The following BCAS3 variants were observed in gnomAD, a reference collection of about 807,000 sequenced individuals.
BCAS3 encodes BCAS4/BCAS3 fusion.
In BCAS3, 53 loss-of-function variants were observed where a neutral mutation model predicts 116.1. That is an observed-to-expected ratio of 0.46 (90% confidence interval 0.37 to 0.57). BCAS3 has a LOEUF of 0.57. BCAS3 is among the 20% of genes least tolerant of loss of function. The probability of loss-of-function intolerance (pLI) is 0.00; values close to 1 mark genes in which losing one functional copy is unlikely to be tolerated. For synonymous variants in BCAS3, 391 were observed against 408.2 expected (o/e 0.96, Z 0.51); for missense variants, 917 against 1,165.4 (o/e 0.79, Z 3.10).
At chr17:60,841,546 A>ATTTTTTTTTTTTTTTT (rs754447784) in intron 7 of BCAS3, among the ~76,000 whole-genome samples, 1 of 123,488 alleles carries the variant, frequency 8.1e-6, no homozygotes, top group Admixed American at 7.9e-5. Flanking sequence ...CACCTGGCTA[A>ATTTTTTTTTTTTTTTT]TTTTTTTTTT....
rs1449446478 is a variant in BCAS3, at chr17:61,140,799, T to C, written c.2425+56235T>C. On this transcript the variant is annotated intron_variant, in intron 22 of 23. Coordinates refer to ENST00000407086, the MANE Select transcript of BCAS3 (RefSeq NM_017679.5). This position sits in a 1 kb window ranked among gnomAD's most constrained non-coding sequence, Gnocchi z 4.2. ...TGTTCTTTTCCTTATGAAATGACTC[T>C]ATGACTTTGGGCACATTACAGATTG... 6.6e-6 allele frequency among the ~76,000 whole-genome samples: 1 copy of C among 152,230 alleles called. No homozygotes were observed. The highest frequency in any genetic ancestry group is 1.5e-5 in the Non-Finnish European group (1 of 68,036).
At chr17:61,373,729 G>GCACC (rs1555859904) in intron 23 of BCAS3, among the ~76,000 whole-genome samples, 8 of 142,098 alleles carry the variant, frequency 5.6e-5, no homozygotes, top group South Asian at 2.3e-4. Flanking sequence ...ACGATGCCCA[G>GCACC]CCCCTGTTTA....
intron 22 of BCAS3, among the ~76,000 whole-genome samples, chr17:61,202,599 T>G (rs2080905034): frequency 6.6e-6 from 1 of 152,178 alleles, no homozygotes; most frequent in Non-Finnish European, 1.5e-5. Flanking sequence ...AACTACTCCA[T>G]TGGTTAGAAT....
chr17:60,851,501 A>G lies in BCAS3; in HGVS notation c.477-17075A>G, dbSNP rs1223909142. 5.2e-6 allele frequency: 3 copies of G among 577,262 alleles called. No homozygotes were observed. In the Admixed American group the frequency reaches 6.7e-5, roughly 13 times the overall value. 35.8% of individuals were successfully genotyped at this position (577,262 alleles called of 1,614,324 possible). A position where few individuals can be genotyped will look rare whatever the true frequency, so the allele number is the denominator to read the frequency against. On this transcript the variant is annotated intron_variant, in intron 7 of 23. Coordinates refer to ENST00000407086, the MANE Select transcript of BCAS3 (RefSeq NM_017679.5). ...AAATGGAAGCGAAGCCGAAAAAGGC[A>G]GCAGCAAAGCATTGAAACCACCATC...
chr17:60,688,392 C>T (rs977474694), intron 3 of BCAS3, among the ~76,000 whole-genome samples: 2 of 152,036 alleles, frequency 1.3e-5, no homozygotes, highest in African/African-American at 4.8e-5. Context: ...CTCAATTTCC[C>T]AGATTCAGGT....
chr17:60,755,595 G>A (rs2042920027), intron 6 of BCAS3, among the ~76,000 whole-genome samples: 1 of 152,122 alleles, frequency 6.6e-6, no homozygotes, highest in Non-Finnish European at 1.5e-5. Context: ...TACATGATGT[G>A]TTTTAAAAAT....
chr17:60,796,791 G>A (rs2047249827), intron 6 of BCAS3, among the ~76,000 whole-genome samples: 1 of 152,026 alleles, frequency 6.6e-6, no homozygotes, highest in Non-Finnish European at 1.5e-5. Context: ...AGTTCCTTGA[G>A]GTGTGACCTT....
At position 60,942,153 on chromosome 17, in the gene BCAS3, C is replaced by T. The variant is rs551230647; in HGVS notation, c.1088-5066C>T. Reference sequence around the variant, plus strand: ...GGAATTCATTGTTTGAGGCCGGGTGCGGTGGCTCACACCTGTAACACCAGC... The same window carrying T: ...GGAATTCATTGTTTGAGGCCGGGTGTGGTGGCTCACACCTGTAACACCAGC... On this transcript the variant is annotated intron_variant, in intron 13 of 23. Transcript: ENST00000407086. Among the ~76,000 whole-genome samples, 36 of 152,224 alleles carry T rather than the reference C, an allele frequency of 2.4e-4. No homozygotes were observed. In the East Asian group the frequency reaches 4.2e-3, roughly 18 times the overall value.
chr17:61,357,223 G>A (rs1298233233), intron 22 of BCAS3, among the ~76,000 whole-genome samples: 1 of 149,622 alleles, frequency 6.7e-6, no homozygotes, highest in Non-Finnish European at 1.5e-5. Context: ...CCTGGGCAAC[G>A]AACAAGACTC....
At chr17:60,871,606 G>T (rs1028346382) in intron 8 of BCAS3, among the ~76,000 whole-genome samples, 285 of 131,296 alleles carry the variant, frequency 2.2e-3, no homozygotes, top group African/African-American at 5.7e-3. Context: ...GTTTGTTTTT[G>T]TTTTTTTTTT....
At chr17:61,108,004 G>A (rs2074785092) in intron 22 of BCAS3, among the ~76,000 whole-genome samples, 1 of 152,164 alleles carries the variant, frequency 6.6e-6, no homozygotes, top group African/African-American at 2.4e-5. Flanking sequence ...TCTACCTGTT[G>A]AGAAAGAATT....
intron 12 of BCAS3, among the ~76,000 whole-genome samples, chr17:60,915,340 T>C (rs2058724612): frequency 6.6e-6 from 1 of 152,200 alleles, no homozygotes; most frequent in Non-Finnish European, 1.5e-5. Flanking sequence ...CTCTATTTGT[T>C]TAACCTGCAT....
rs1466109548 is a variant in BCAS3, at chr17:61,122,727, C to T, written c.2425+38163C>T. Among the ~76,000 whole-genome samples the T allele has an allele frequency of 6.6e-6, 1 of 152,034 alleles. No individual in the cohort carries two copies. Among genetic ancestry groups the T allele is most frequent in the South Asian group, 2.1e-4 (1 of 4,816 alleles). ...TTTCCCACATAGACAAAAAACAAAA[C>T]AAAACAAAAAACCATCTCAGCAAAA... On this transcript the variant is annotated intron_variant, in intron 22 of 23. Coordinates refer to ENST00000407086, the MANE Select transcript of BCAS3 (RefSeq NM_017679.5). This position sits in a 1 kb window ranked among gnomAD's most constrained non-coding sequence, Gnocchi z 4.6.
At chr17:61,190,669 G>A (rs570648173) in intron 22 of BCAS3, among the ~76,000 whole-genome samples, 12 of 151,240 alleles carry the variant, frequency 7.9e-5, no homozygotes, top group African/African-American at 2.2e-4. Context: ...GTGCTATGGC[G>A]TGATCTCAGC....
At position 61,199,745 on chromosome 17, in the gene BCAS3, G is replaced by A. The variant is rs971823469; in HGVS notation, c.2425+115181G>A. Among the ~76,000 whole-genome samples the A allele has an allele frequency of 2.7e-5, 4 of 149,482 alleles. No individual in the cohort carries two copies. The highest frequency in any genetic ancestry group is 6.8e-5 in the Admixed American group (1 of 14,690). On this transcript the variant is annotated intron_variant, in intron 22 of 23. Coordinates refer to ENST00000407086, the MANE Select transcript of BCAS3 (RefSeq NM_017679.5). This position sits in a 1 kb window ranked among gnomAD's most constrained non-coding sequence, Gnocchi z 4.6. The stretch of plus-strand genomic sequence containing the variant: ...TAGGATCCCTATGATCTTTGTAAGC[G>A]TATTCATGCCAGGAATGTTGTCCTC...
Position 61,078,327 on chromosome 17 carries a change from T to C in BCAS3, c.2131-6T>C. 1.2e-6 allele frequency: 2 copies of C among 1,609,162 alleles called. No individual in the cohort carries two copies. The highest frequency in any genetic ancestry group is 1.7e-6 in the Non-Finnish European group (2 of 1,177,146). On this transcript the variant is annotated splice_polypyrimidine_tract_variant and splice_region_variant and intron_variant, in intron 20 of 23. Coordinates refer to ENST00000407086, the MANE Select transcript of BCAS3 (RefSeq NM_017679.5). ...CATTTAAATCATCATTGCTACTCCA[T>C]TCCAGGTTGAAATTGTAACACACAC...
intron 6 of BCAS3, among the ~76,000 whole-genome samples, chr17:60,780,640 C>A (rs914745828): frequency 6.6e-6 from 1 of 152,128 alleles, no homozygotes; most frequent in African/African-American, 2.4e-5. Flanking sequence ...CTTTAGGTAA[C>A]TTGTCGTACA....
chr17:61,158,522 G>A (rs1268168874), intron 22 of BCAS3, among the ~76,000 whole-genome samples: 1 of 152,118 alleles, frequency 6.6e-6, no homozygotes, highest in African/African-American at 2.4e-5. Context: ...GGGAATTTTG[G>A]TAGTGAATCT....
At chr17:60,760,643 T>A (rs537161432) in intron 6 of BCAS3, among the ~76,000 whole-genome samples, 1 of 128,650 alleles carries the variant, frequency 7.8e-6, no homozygotes, top group Non-Finnish European at 1.5e-5. Flanking sequence ...CCTTAATATT[T>A]TCTCTTTTGC....
Sources: allele counts gnomAD v4.1 joint callset (sites outside exome capture counted in the v4.1 genomes callset), GRCh38; gene constraint gnomAD v4.1.1; non-coding constraint Gnocchi (gnomAD v3.1); transcripts MANE v1.5; gene names NCBI Gene and HGNC (gene_info 2026-07-23, HGNC 2026-07-21).